PDE4D: variants seen among roughly 807,000 people sequenced by gnomAD.
PDE4D encodes the protein 3',5'-cyclic-AMP phosphodiesterase 4D.
PDE4D carries 24 observed loss-of-function variants against 87.4 expected under a neutral mutation model. That is an observed-to-expected ratio of 0.27 (90% CI 0.20 to 0.39). The LOEUF (loss-of-function observed/expected upper bound fraction) is 0.39. PDE4D is among the 10% of genes least tolerant of loss of function. The probability of loss-of-function intolerance (pLI) is 1.00; values close to 1 mark genes in which losing one functional copy is unlikely to be tolerated. For synonymous variants in PDE4D, 384 were observed against 383.2 expected, an observed-to-expected ratio of 1.00 and a Z score of -0.02; for missense variants, 714 against 1,041.0, an observed-to-expected ratio of 0.69 and a Z score of 4.32.
At chr5:59,105,207 T>C (rs1771398412) in intron 5 of PDE4D, among the ~76,000 whole-genome samples, 1 of 152,244 alleles carries the variant, frequency 6.6e-6, no homozygotes, top group South Asian at 2.1e-4. Flanking sequence ...TTAGAACTGC[T>C]GGGTCTATTA....
intron 6 of PDE4D, among the ~76,000 whole-genome samples, chr5:59,021,567 T>C (rs1007604027): frequency 1.3e-5 from 2 of 152,198 alleles, no homozygotes; most frequent in Non-Finnish European, 2.9e-5. Flanking sequence ...CCCACCACAC[T>C]ACATAATTTA....
chr5:60,492,256 C>T (rs1749574330), upstream of PDE4D, among the ~76,000 whole-genome samples: 1 of 151,984 alleles, frequency 6.6e-6, no homozygotes, highest in Admixed American at 6.6e-5. Flanking sequence ...CAGCAAGACC[C>T]CATCTCTGCA....
At chr5:60,121,408 G>T (rs934441698) in intron 2 of PDE4D, among the ~76,000 whole-genome samples, 1 of 152,054 alleles carries the variant, frequency 6.6e-6, no homozygotes, top group East Asian at 1.9e-4. Context: ...ACATACCCAA[G>T]ACTGGGAAGA....
At chr5:60,380,992 T>A (rs192981458) in intron 1 of PDE4D, among the ~76,000 whole-genome samples, 1 of 152,196 alleles carries the variant, frequency 6.6e-6, no homozygotes, top group Non-Finnish European at 1.5e-5. Context: ...GCTCAAGCCC[T>A]GCACATGCCC....
At chr5:59,888,997 C>T (rs1395975647) in intron 1 of PDE4D, among the ~76,000 whole-genome samples, 1 of 151,858 alleles carries the variant, frequency 6.6e-6, no homozygotes, top group African/African-American at 2.4e-5. Context: ...GAGGCCGAGG[C>T]GGGTGGATAA....
intron 11 of PDE4D, among the ~76,000 whole-genome samples, chr5:58,983,853 C>G (rs1745798014): frequency 6.6e-6 from 1 of 152,152 alleles, no homozygotes; most frequent in Admixed American, 6.5e-5. Flanking sequence ...AGTAAATGGG[C>G]CAGAGTAACA....
intron 1 of PDE4D, among the ~76,000 whole-genome samples, chr5:60,252,229 GT>G (rs1178252651): frequency 6.6e-6 from 1 of 151,824 alleles, no homozygotes. Flanking sequence ...CTGTATTTAG[GT>G]TAGATGGATA....
chr5:59,915,350 G>C (rs1381285706), intron 3 of PDE4D, among the ~76,000 whole-genome samples: 2 of 152,100 alleles, frequency 1.3e-5, no homozygotes, highest in Non-Finnish European at 1.5e-5. Context: ...GAATAGAAAT[G>C]GTCCCAGAAA....
At chr5:59,610,936 G>A (rs759945333) in intron 1 of PDE4D, among the ~76,000 whole-genome samples, 3 of 152,150 alleles carry the variant, frequency 2.0e-5, no homozygotes, top group Non-Finnish European at 4.4e-5. Context: ...GGGGTACAAG[G>A]TCTCTTAGAA....
chr5:60,399,985 T>A (rs961341936), intron 1 of PDE4D, among the ~76,000 whole-genome samples: 8 of 152,222 alleles, frequency 5.3e-5, no homozygotes, highest in African/African-American at 1.9e-4. Flanking sequence ...AAAGGACACA[T>A]TTGTGCTCAA....
At chr5:60,473,193 AAAAG>A (rs374193565) in intron 1 of PDE4D, among the ~76,000 whole-genome samples, 1,924 of 150,002 alleles carry the variant, frequency 0.013, 51 homozygotes, top group African/African-American at 0.045. Context: ...AAAGAAAGAA[AAAAG>A]AAAGAAAGAA....
chr5:59,571,073 T>G (rs1042415861), intron 1 of PDE4D, among the ~76,000 whole-genome samples: 3 of 152,186 alleles, frequency 2.0e-5, no homozygotes, highest in African/African-American at 7.2e-5. Context: ...AAACAAAAAT[T>G]TGCTCCTCCC....
chr5:60,427,514 A>G (rs977999359), intron 1 of PDE4D, among the ~76,000 whole-genome samples: 8 of 152,322 alleles, frequency 5.3e-5, no homozygotes, highest in African/African-American at 1.9e-4. Context: ...TCAGATAAAT[A>G]AAAGCTGAGA....
intron 3 of PDE4D, among the ~76,000 whole-genome samples, chr5:59,924,486 G>C (rs2152781282): frequency 6.6e-6 from 1 of 150,536 alleles, no homozygotes; most frequent in South Asian, 2.1e-4. Context: ...AAAGCAACAG[G>C]AGAAAATAAA....
intron 1 of PDE4D, among the ~76,000 whole-genome samples, chr5:59,665,602 TAG>T (rs1224220189): frequency 1.3e-5 from 2 of 152,202 alleles, no homozygotes; most frequent in Non-Finnish European, 2.9e-5. Context: ...CAGCATAACT[TAG>T]AGAGTACAAA....
At chr5:59,192,620 T>G (rs1413093407) in intron 3 of PDE4D, among the ~76,000 whole-genome samples, 1 of 152,248 alleles carries the variant, frequency 6.6e-6, no homozygotes, top group African/African-American at 2.4e-5. Context: ...CTGATTATAA[T>G]TTTTACAACC....
chr5:59,900,132 C>A (rs1312738214), intron 3 of PDE4D, among the ~76,000 whole-genome samples: 1 of 151,782 alleles, frequency 6.6e-6, no homozygotes, highest in Non-Finnish European at 1.5e-5. Flanking sequence ...CCCAGCCTCT[C>A]TGGAGCCTGA....
chr5:60,361,213 C>T (rs1760030442), intron 1 of PDE4D, among the ~76,000 whole-genome samples: 1 of 152,162 alleles, frequency 6.6e-6, no homozygotes, highest in African/African-American at 2.4e-5. Context: ...TGAGACCCAC[C>T]TTCCCTATGT....
intron 3 of PDE4D, among the ~76,000 whole-genome samples, chr5:59,902,042 A>C (rs1325584479): frequency 6.6e-6 from 1 of 151,948 alleles, no homozygotes; most frequent in African/African-American, 2.4e-5. Flanking sequence ...AAACAAACTA[A>C]GTGTTTAGCA....
Sources: allele counts gnomAD v4.1 joint callset (sites outside exome capture counted in the v4.1 genomes callset), GRCh38; gene constraint gnomAD v4.1.1; transcripts MANE v1.5; gene names NCBI Gene and HGNC (gene_info 2026-07-23, HGNC 2026-07-21).